Variants in ABCG1 observed in about 807,000 individuals in gnomAD.
ABCG1 encodes ATP-binding cassette sub-family G member 1.
ABCG1 carries 29 observed loss-of-function variants against 69.2 expected under a neutral mutation model. The ratio of observed to expected loss-of-function variants is 0.42; its 90% confidence interval spans 0.31 to 0.57. ABCG1 has a LOEUF of 0.57. Ranked by LOEUF, ABCG1 falls within the 20% of genes least tolerant of loss-of-function variation. ABCG1 has a pLI of 0.15. For synonymous variants in ABCG1, 370 were observed against 374.8 expected (o/e 0.99, Z 0.15); for missense variants, 718 against 898.1 (o/e 0.80, Z 2.56).
At chr21:42,284,429 G>A (rs2068897523) in intron 6 of ABCG1, 131 bp from the exon 7 acceptor site, 1 of 1,146,462 alleles carries the variant, frequency 8.7e-7, no homozygotes, top group Non-Finnish European at 1.2e-6. Context: ...CCCGGCCTGG[G>A]ACGGGGCAGC....
At chr21:42,269,957 C>T (rs1430979289) in intron 2 of ABCG1, among the ~76,000 whole-genome samples, 1 of 152,194 alleles carries the variant, frequency 6.6e-6, no homozygotes, top group Non-Finnish European at 1.5e-5. Flanking sequence ...GGATTCTGAT[C>T]TGATACTACA....
At chr21:42,225,635 T>G (rs779395674) in intron 1 of ABCG1, 36 bp from the exon 2 acceptor site, 1 of 1,607,762 alleles carries the variant, frequency 6.2e-7, no homozygotes, top group South Asian at 1.1e-5. Context: ...TGATGCAGCT[T>G]ATAACAGGTC....
chr21:42,210,290 G>A (rs958620390), intron 2 of ABCG1, among the ~76,000 whole-genome samples: 4 of 152,186 alleles, frequency 2.6e-5, no homozygotes, highest in South Asian at 2.1e-4. Context: ...GAGTTCTATG[G>A]TTGACCACAC....
chr21:42,293,468 C>T (rs547414610), intron 13 of ABCG1, among the ~76,000 whole-genome samples: 3 of 148,740 alleles, frequency 2.0e-5, no homozygotes, highest in East Asian at 2.0e-4. Context: ...CCACACTACA[C>T]AGTACACACC....
upstream of ABCG1, among the ~76,000 whole-genome samples, chr21:42,212,939 C>T (rs545614015): frequency 1.1e-4 from 17 of 152,280 alleles, no homozygotes; most frequent in South Asian, 4.1e-4. Flanking sequence ...GTGATCCGCC[C>T]GCCTTGGCCT....
chr21:42,256,942 C>T (rs1235946477), intron 2 of ABCG1, among the ~76,000 whole-genome samples: 1 of 152,208 alleles, frequency 6.6e-6, no homozygotes, highest in Non-Finnish European at 1.5e-5. Context: ...TTGCACTTTC[C>T]AGCATGCATT....
Position 42,296,026 on chromosome 21 carries a change from AT to A in ABCG1, c.1773-136del. The A allele has an allele frequency of 1.5e-6, 1 of 674,696 alleles. No individual in the cohort carries two copies. 41.8% of individuals were successfully genotyped at this position (674,696 alleles called of 1,614,324 possible). A position where few individuals can be genotyped will look rare whatever the true frequency, so the allele number is the denominator to read the frequency against. On this transcript the variant is annotated intron_variant, in intron 14 of 14. Coordinates refer to ENST00000398449, the MANE Select transcript of ABCG1 (RefSeq NM_016818.3). This position sits in a 1 kb window ranked among gnomAD's most constrained non-coding sequence, Gnocchi z 5.4. ...AGAAGGTGGTGGGCGGTGAGGAAGT[AT>A]TCTGGGGAAGGCGGCCCTTTGGGAA...
At chr21:42,265,460 C>T (rs2068486226) in intron 2 of ABCG1, among the ~76,000 whole-genome samples, 1 of 152,176 alleles carries the variant, frequency 6.6e-6, no homozygotes, top group African/African-American at 2.4e-5. Flanking sequence ...AATTTGGACA[C>T]AGAGTCACAG....
intron 2 of ABCG1, among the ~76,000 whole-genome samples, chr21:42,237,823 A>G (rs1267049594): frequency 6.6e-6 from 1 of 152,180 alleles, no homozygotes; most frequent in Non-Finnish European, 1.5e-5. Flanking sequence ...CTTTGGCCGC[A>G]CAGCACCGTG....
intron 2 of ABCG1, among the ~76,000 whole-genome samples, chr21:42,241,569 C>A: frequency 6.6e-6 from 1 of 150,898 alleles, no homozygotes; most frequent in African/African-American, 2.4e-5. Context: ...CGCACCACTG[C>A]ACTCCAGCCT....
At chr21:42,253,157 C>T (rs1279990557) in intron 2 of ABCG1, among the ~76,000 whole-genome samples, 1 of 152,192 alleles carries the variant, frequency 6.6e-6, no homozygotes, top group African/African-American at 2.4e-5. Context: ...AGGGATTGCA[C>T]CTGCCTGGCC....
chr21:42,285,694 G>A (rs919321549), intron 7 of ABCG1, among the ~76,000 whole-genome samples, 186 bp from the exon 8 acceptor site: 10 of 152,102 alleles, frequency 6.6e-5, no homozygotes, highest in Admixed American at 2.0e-4. Context: ...CTGGCTTATC[G>A]TGGCTTTCCC....
At chr21:42,206,377 A>T (rs1913511736) in intron 2 of ABCG1, among the ~76,000 whole-genome samples, 1 of 146,470 alleles carries the variant, frequency 6.8e-6, no homozygotes, top group Non-Finnish European at 1.5e-5. Context: ...TAAATAAATA[A>T]ATAAATAAAC....
At position 42,296,539 on chromosome 21, in the gene ABCG1, T is replaced by A; in HGVS notation, c.*147T>A. The A allele has an allele frequency of 4.4e-6, 3 of 687,620 alleles. No individual in the cohort carries two copies. The highest frequency in any genetic ancestry group is 7.5e-6 in the Non-Finnish European group (3 of 398,090). The allele number at this position is 687,620 out of a possible 1,614,324, so 42.6% of individuals were successfully genotyped here. ...CCGCGTTGGGTTTGTGGGTGTCTCG[T>A]GCTCAGCCACTCTGCCCAGCTGGGT... On this transcript the variant is annotated 3_prime_UTR_variant, in exon 15 of 15. Transcript: ENST00000398449. This position sits in a 1 kb window ranked among gnomAD's most constrained non-coding sequence, Gnocchi z 5.4.
At chr21:42,200,697 T>C (rs1156675036) in intron 1 of ABCG1, among the ~76,000 whole-genome samples, 3 of 151,664 alleles carry the variant, frequency 2.0e-5, no homozygotes, top group African/African-American at 7.3e-5. Flanking sequence ...CAAGTGATTC[T>C]CCTGCCTCAG....
chr21:42,279,445 G>C (rs1415659482), intron 5 of ABCG1, among the ~76,000 whole-genome samples: 1 of 151,836 alleles, frequency 6.6e-6, no homozygotes, highest in Non-Finnish European at 1.5e-5. Context: ...ACACGGGGGA[G>C]CCCTCCATCC....
At position 42,273,570 on chromosome 21, in the gene ABCG1, A is replaced by G. The variant is rs1238002113; in HGVS notation, c.537+135A>G. ...CCACGCGGCCTGCACAGGGCCAGCA[A>G]CCTCCCTCTAGCGGAGTTCTAACAC... is the stretch of plus-strand genomic sequence containing the variant. On this transcript the variant is annotated intron_variant, in intron 4 of 14. Transcript: ENST00000398449. This position sits in a 1 kb window ranked among gnomAD's most constrained non-coding sequence, Gnocchi z 5.3. 4.0e-6 allele frequency: 4 copies of G among 1,004,842 alleles called. No individual in the cohort carries two copies. The highest frequency in any genetic ancestry group is 5.7e-6 in the Non-Finnish European group (4 of 706,208). The allele number at this position is 1,004,842 out of a possible 1,614,324, so 62.2% of individuals were successfully genotyped here.
chr21:42,269,860 G>A (rs1487489786), intron 2 of ABCG1, among the ~76,000 whole-genome samples: 1 of 152,202 alleles, frequency 6.6e-6, no homozygotes, highest in Non-Finnish European at 1.5e-5. Flanking sequence ...ACTGGGCCAA[G>A]GACCCCACAG....
At chr21:42,294,935 T>A in intron 14 of ABCG1, 1 of 399,030 alleles carries the variant, frequency 2.5e-6, no homozygotes, top group South Asian at 2.8e-5. Context: ...GAGAGCTGCC[T>A]TCGGTGGAAG....
Sources: allele counts gnomAD v4.1 joint callset (sites outside exome capture counted in the v4.1 genomes callset), GRCh38; gene constraint gnomAD v4.1.1; non-coding constraint Gnocchi (gnomAD v3.1); transcripts MANE v1.5; gene names NCBI Gene and HGNC (gene_info 2026-07-23, HGNC 2026-07-21).